FAAH2: variants seen among roughly 807,000 people sequenced by gnomAD.
FAAH2 encodes the protein fatty-acid amide hydrolase 2.
Under a neutral mutation model 36.9 loss-of-function variants are expected in FAAH2, and 60 were observed. The ratio of observed to expected loss-of-function variants is 1.63; its 90% CI spans 1.32 to 2.02. The LOEUF (loss-of-function observed/expected upper bound fraction) is 2.02. Among genes scored for constraint, FAAH2 ranks in the 30% most tolerant of loss-of-function variants. The pLI is 0.00. For missense variants in FAAH2, 689 were observed against 397.5 expected (o/e 1.73, Z -6.23); for synonymous variants, 214 against 143.8 (o/e 1.49, Z -3.49).
At chrX:57,474,607 A>C (rs1033390522) in intron 10 of FAAH2, among the ~76,000 whole-genome samples, 1 of 111,800 alleles carries the variant, frequency 8.9e-6, no homozygotes, top group Non-Finnish European at 1.9e-5. Context: ...CTAGTCTATC[A>C]CTGATTGACA....
In FAAH2 at chrX:57,317,660, G is replaced by A. The variant is rs191862943; in HGVS notation, c.412+6931G>A. The stretch of plus-strand genomic sequence containing the variant: ...GGACTTGAACTCAGCTCTGGACCAA[G>A]TAGACCTAATAGACATCTACAGAAC... On this transcript the variant is annotated intron_variant, in intron 3 of 10. Transcript: ENST00000374900. Among the ~76,000 whole-genome samples, 960 of 111,769 alleles carry A rather than the reference G, an allele frequency of 8.6e-3. 10 individuals are homozygous for A. The highest frequency in any genetic ancestry group is 0.013 in the Non-Finnish European group (696 of 53,097).
At chrX:57,268,526 G>A in the FAAH2 span, among the ~76,000 whole-genome samples, 1 of 110,898 alleles carries the variant, frequency 9.0e-6, no homozygotes, top group African/African-American at 3.3e-5. Context: ...TCCACAGAAA[G>A]ACCATCCCCA....
intron 7 of FAAH2, among the ~76,000 whole-genome samples, chrX:57,406,134 A>G (rs1602556274): frequency 9.0e-6 from 1 of 111,598 alleles, no homozygotes; most frequent in South Asian, 3.7e-4. Context: ...TTTGACTGTA[A>G]TGGATGTCAT....
At chrX:57,413,065 G>C (rs1040201948) in intron 7 of FAAH2, among the ~76,000 whole-genome samples, 8 of 111,831 alleles carry the variant, frequency 7.2e-5, no homozygotes, top group Non-Finnish European at 1.1e-4. Context: ...CCACTTTTTG[G>C]TGAGGTTTGT....
chrX:57,442,518 G>A (rs2056583289), intron 8 of FAAH2, among the ~76,000 whole-genome samples: 1 of 111,287 alleles, frequency 9.0e-6, no homozygotes, highest in South Asian at 3.8e-4. Context: ...CATGTGATAT[G>A]GGTTTCCTGC....
chrX:57,409,869 A>G (rs2055657857), intron 7 of FAAH2, among the ~76,000 whole-genome samples: 1 of 109,991 alleles, frequency 9.1e-6, no homozygotes. Flanking sequence ...TTTTTTCAGT[A>G]TTACATTATT....
the FAAH2 span, among the ~76,000 whole-genome samples, chrX:57,191,973 A>C: frequency 9.0e-6 from 1 of 111,466 alleles, no homozygotes; most frequent in African/African-American, 3.3e-5. Flanking sequence ...GTGGTTCCAT[A>C]TAAATTCTAG....
At chrX:57,430,276 A>G (rs1434379916) in intron 7 of FAAH2, among the ~76,000 whole-genome samples, 2 of 112,091 alleles carry the variant, frequency 1.8e-5, no homozygotes, top group African/African-American at 3.2e-5. Flanking sequence ...GTCTCCTGGC[A>G]TTAGTATCAG....
intron 3 of FAAH2, among the ~76,000 whole-genome samples, chrX:57,319,199 C>G (rs2052938075): frequency 9.0e-6 from 1 of 111,130 alleles, no homozygotes; most frequent in Non-Finnish European, 1.9e-5. Context: ...AGAAATAAAG[C>G]ATATTCAAAT....
intron 7 of FAAH2, chrX:57,392,575 C>G: frequency 2.4e-6 from 2 of 818,929 alleles, no homozygotes; most frequent in South Asian, 4.2e-5. Context: ...CTTCCTAACT[C>G]CCAGTGGGCC....
the FAAH2 span, among the ~76,000 whole-genome samples, chrX:57,281,371 A>T: frequency 9.0e-6 from 1 of 111,651 alleles, no homozygotes; most frequent in South Asian, 3.8e-4. Context: ...ATTGTGTTAC[A>T]CTTATTAAGA....
the FAAH2 span, among the ~76,000 whole-genome samples, chrX:57,211,157 T>G: frequency 1.8e-5 from 2 of 111,764 alleles, no homozygotes; most frequent in Non-Finnish European, 3.8e-5. Context: ...ATATTAAATA[T>G]TTTAATCCTC....
At chrX:57,156,989 A>G in the FAAH2 span, among the ~76,000 whole-genome samples, 1 of 112,302 alleles carries the variant, frequency 8.9e-6, no homozygotes, top group African/African-American at 3.2e-5. Context: ...GTTCTATCCC[A>G]CCAGGGCAGC....
At chrX:57,294,981 A>T (rs1230394957) in intron 2 of FAAH2, among the ~76,000 whole-genome samples, 1 of 112,378 alleles carries the variant, frequency 8.9e-6, no homozygotes, top group Non-Finnish European at 1.9e-5. Flanking sequence ...AACTGCAGGA[A>T]ACAGCAAACT....
chrX:57,424,423 C>A (rs775324199), intron 7 of FAAH2, among the ~76,000 whole-genome samples: 2 of 111,724 alleles, frequency 1.8e-5, no homozygotes, highest in Non-Finnish European at 3.8e-5. Context: ...CACCTACAGC[C>A]CTGAAGTTTG....
intron 7 of FAAH2, among the ~76,000 whole-genome samples, chrX:57,407,347 A>C (rs1228022127): frequency 1.8e-5 from 2 of 111,919 alleles, no homozygotes; most frequent in African/African-American, 6.5e-5. Flanking sequence ...GGAGCTCACC[A>C]ACCAGTGTTC....
intron 8 of FAAH2, among the ~76,000 whole-genome samples, chrX:57,435,762 C>T (rs5914106): frequency 0.32 from 35,342 of 109,584 alleles, 4,616 homozygotes; most frequent in Middle Eastern, 0.61. Flanking sequence ...ACTTCAACTG[C>T]GCACTCACAG....
At chrX:57,467,475 T>C (rs2057072881) in intron 10 of FAAH2, among the ~76,000 whole-genome samples, 1 of 111,501 alleles carries the variant, frequency 9.0e-6, no homozygotes, top group African/African-American at 3.3e-5. Context: ...GCTCAGAGGG[T>C]CCTACACCCA....
chrX:57,345,179 C>T (rs930278550), intron 5 of FAAH2, among the ~76,000 whole-genome samples: 3 of 105,336 alleles, frequency 2.8e-5, no homozygotes, highest in Non-Finnish European at 5.9e-5. Context: ...TCTCCCTTCC[C>T]TTCCCTTCCC....
Sources: gnomAD v4.1 joint callset for allele counts (sites outside exome capture counted in the v4.1 genomes callset) on GRCh38, gnomAD v4.1.1 for gene constraint, MANE v1.5 for transcripts, NCBI Gene and HGNC (gene_info 2026-07-23, HGNC 2026-07-21) for gene names.